ATP7B: variants seen among roughly 807,000 people sequenced by gnomAD.
ATP7B encodes the protein ATPase copper transporting beta, also known as copper-transporting ATPase 2.
Under a neutral mutation model 118.9 loss-of-function variants are expected in ATP7B, and 113 were observed. The ratio of observed to expected loss-of-function variants is 0.95; its 90% CI spans 0.82 to 1.11. The LOEUF is 1.11. ATP7B is among the 50% of genes most tolerant of loss of function. The probability of loss-of-function intolerance (pLI) is 0.00; values close to 1 mark genes in which losing one functional copy is unlikely to be tolerated. For synonymous variants in ATP7B, 777 were observed against 727.4 expected (o/e 1.07, Z -1.10); for missense variants, 1,867 against 1,871.4 (o/e 1.00, Z 0.04).
Position 51,933,302 on chromosome 13 carries a change from G to A in ATP7B, c.*1454C>T, listed in dbSNP as rs926332692. ...CCTGGGCAAAGTCCTCAGCCTCTTG[G>A]AGCCTGTTTCCTTGCCTGTAAAATG... On this transcript the variant is annotated 3_prime_UTR_variant, in exon 21 of 21. Transcript: ENST00000242839. 15 of 152,306 alleles carry A rather than the reference G, an allele frequency of 9.8e-5. No individual in the cohort carries two copies. Among genetic ancestry groups the A allele is most frequent in the African/African-American group, 3.6e-4 (15 of 41,556 alleles). 9.4% of individuals were successfully genotyped at this position (152,306 alleles called of 1,614,324 possible). A position where few individuals can be genotyped will look rare whatever the true frequency, so the allele number is the denominator to read the frequency against.
Position 51,966,139 on chromosome 13 carries a change from T to C in ATP7B, c.1708-1106A>G, listed in dbSNP as rs528941473. The stretch of plus-strand genomic sequence containing the variant: ...CCTTTTGTTTTTATAACAACAACAA[T>C]AACAGGTAGCATTTACTTTGCACTT... On this transcript the variant is annotated intron_variant, in intron 4 of 20. Transcript: ENST00000242839. 2.6e-5 allele frequency among the ~76,000 whole-genome samples: 4 copies of C among 152,338 alleles called. No individual in the cohort carries two copies. The South Asian group carries it at 6.2e-4, about 24-fold the overall frequency.
intron 1 of ATP7B, 129 bp from the exon 2 acceptor site, chr13:51,975,297 C>A: frequency 8.0e-7 from 1 of 1,243,570 alleles, no homozygotes; most frequent in Non-Finnish European, 1.2e-6. Flanking sequence ...GGTAGAAGAA[C>A]ATAACATACA....
chr13:51,933,378 T>G lies in ATP7B; in HGVS notation c.*1378A>C, dbSNP rs1380648298. The G allele has an allele frequency of 6.6e-6, 1 of 152,218 alleles. No homozygotes were observed. Among genetic ancestry groups the G allele is most frequent in the African/African-American group, 2.4e-5 (1 of 41,446 alleles). 9.4% of individuals were successfully genotyped at this position (152,218 alleles called of 1,614,324 possible). A position where few individuals can be genotyped will look rare whatever the true frequency, so the allele number is the denominator to read the frequency against. ...TTGGTTGGGAGGATTAGACGTAATC[T>G]ATCAAAAGTGCTGCTAAAACTGCCC... On this transcript the variant is annotated 3_prime_UTR_variant, in exon 21 of 21. Coordinates refer to ENST00000242839, the MANE Select transcript of ATP7B (RefSeq NM_000053.4).
At chr13:52,011,742 C>CGG (rs1432513487), upstream of ATP7B, among the ~76,000 whole-genome samples, 2 of 152,242 alleles carry the variant, frequency 1.3e-5, no homozygotes, top group African/African-American at 4.8e-5. Context: ...CGCCGCAGGG[C>CGG]GGAGGCCTGT....
intron 1 of ATP7B, among the ~76,000 whole-genome samples, chr13:52,005,788 A>T (rs1186607957): frequency 6.6e-6 from 1 of 152,196 alleles, no homozygotes; most frequent in African/African-American, 2.4e-5. Context: ...ACTTCTTGGT[A>T]CCAATTTCTA....
chr13:51,939,082 T>C lies in ATP7B; in HGVS notation c.3668A>G (p.Asn1223Ser). 6.2e-7 allele frequency: 1 copy of C among 1,614,244 alleles called. No homozygotes were observed. Among genetic ancestry groups the C allele is most frequent in the South Asian group, 1.1e-5 (1 of 91,088 alleles). Reference sequence around the variant, plus strand: ...GGCAATAGCTCTGGCTGTCTTCCGGTTGTCCCCCGTGATCAGAACCACGTC... The same window carrying C: ...GGCAATAGCTCTGGCTGTCTTCCGGCTGTCCCCCGTGATCAGAACCACGTC... ...GVDVVLITGD[N>S]RKTARAIATQ... is the part of the protein sequence containing the mutation. The change falls in exon 17 of 21, where the codon AAC (asparagine) becomes AGC (serine). Residue 1223 changes from asparagine to serine, a missense_variant. Asn to Ser is a conservative substitution (Grantham distance 46). Coordinates refer to ENST00000242839, the MANE Select transcript of ATP7B (RefSeq NM_000053.4).
At chr13:51,960,013 T>G (rs1451591125) in intron 7 of ATP7B, 135 bp downstream of exon 7, 1 of 1,265,550 alleles carries the variant, frequency 7.9e-7, no homozygotes, top group African/African-American at 1.5e-5. Flanking sequence ...AGCAACTGCC[T>G]GGGTGGGGCA....
In ATP7B at chr13:51,968,863, CT is replaced by C. The variant is rs201291586; in HGVS notation, c.1544-257del. Among the ~76,000 whole-genome samples, 44,231 of 128,144 alleles carry C rather than the reference CT, an allele frequency of 0.35. 6,712 individuals are homozygous for C. The highest frequency in any genetic ancestry group is 0.45 in the Middle Eastern group (105 of 232). The allele number at this position is 128,144 out of a possible 152,430, so 84.1% of individuals were successfully genotyped here. ...TGGCAGGCATCTTTTTTTCTTTTTT[CT>C]TTTTTTTTTTTTTTTGAGATGGAAT... is the stretch of plus-strand genomic sequence containing the variant. On this transcript the variant is annotated intron_variant, in intron 3 of 20. Transcript: ENST00000242839.
At chr13:51,949,839 T>A (rs1957884278) in intron 11 of ATP7B, 43 bp from the exon 12 acceptor site, 5 of 1,613,578 alleles carry the variant, frequency 3.1e-6, no homozygotes, top group Non-Finnish European at 4.2e-6. Flanking sequence ...TTACAACCTA[T>A]GAAGAAATAA....
chr13:51,956,714 T>C (rs1958371604), intron 9 of ATP7B, among the ~76,000 whole-genome samples: 1 of 152,082 alleles, frequency 6.6e-6, no homozygotes, highest in Non-Finnish European at 1.5e-5. Context: ...ATTTTAGGAA[T>C]ATGAAGGAGG....
intron 1 of ATP7B, among the ~76,000 whole-genome samples, chr13:51,985,776 T>G (rs1415515978): frequency 6.6e-6 from 1 of 151,996 alleles, no homozygotes. Context: ...CTCAAAACTG[T>G]AAAACTACAT....
intron 2 of ATP7B, among the ~76,000 whole-genome samples, chr13:51,971,900 G>C (rs1297719493): frequency 6.6e-6 from 1 of 152,254 alleles, no homozygotes; most frequent in Non-Finnish European, 1.5e-5. Flanking sequence ...TGAGCTGCCA[G>C]TGGGCTTGCC....
intron 13 of ATP7B, among the ~76,000 whole-genome samples, chr13:51,945,285 C>T (rs150280678): frequency 7.3e-4 from 111 of 152,342 alleles, no homozygotes; most frequent in African/African-American, 2.3e-3. Context: ...CCTCCCTCAA[C>T]GGCCTCATCT....
chr13:51,964,108 AACACACACAC>A (rs17334263), intron 5 of ATP7B, among the ~76,000 whole-genome samples: 6 of 145,652 alleles, frequency 4.1e-5, no homozygotes, highest in Admixed American at 2.1e-4. Flanking sequence ...TCTCTCTTTA[AACACACACAC>A]ACACACACAC....
intron 1 of ATP7B, among the ~76,000 whole-genome samples, chr13:51,980,933 C>A (rs950370449): frequency 3.3e-5 from 5 of 152,160 alleles, no homozygotes; most frequent in African/African-American, 1.2e-4. Flanking sequence ...TCATGGGATT[C>A]AAAATACAAA....
rs1951582993 is a variant in ATP7B, at chr13:51,966,964, G to T, written c.1707+1480C>A. On this transcript the variant is annotated intron_variant, in intron 4 of 20. Transcript: ENST00000242839. ...TTGTACCCTGGGAGATGAGTTTGAA[G>T]AAACCACAGCTGATGGCAGAAAAAC... is the stretch of plus-strand genomic sequence containing the variant. The T allele has an allele frequency of 3.1e-6, 5 of 1,613,674 alleles. No individual in the cohort carries two copies. The African/African-American group carries it at 6.7e-5, about 22-fold the overall frequency.
intron 1 of ATP7B, among the ~76,000 whole-genome samples, chr13:51,996,406 G>A (rs1247575406): frequency 3.3e-5 from 5 of 152,112 alleles, no homozygotes; most frequent in East Asian, 1.9e-4. Context: ...CCCACCACTC[G>A]GGGACCAGAA....
rs117498962 is a variant in ATP7B at position 51,954,647 on chromosome 13, G to A, written c.2447+2869C>T. 5.8e-3 allele frequency among the ~76,000 whole-genome samples: 890 copies of A among 152,296 alleles called. 9 individuals are homozygous for A. Among genetic ancestry groups the A allele is most frequent in the Non-Finnish European group, 6.3e-3 (428 of 68,028 alleles). ...ATGAGGGCAGACAGGCATTGTAGAG[G>A]ACACACTGGGAGCTGGCATGAGGGT... On this transcript the variant is annotated intron_variant, in intron 9 of 20. Transcript: ENST00000242839.
chr13:52,011,565 G>A, upstream of ATP7B: 1 of 629,952 alleles, frequency 1.6e-6, no homozygotes, highest in Non-Finnish European at 2.9e-6. Context: ...GCGCGCCGCC[G>A]TCCTCCCGAC....
Sources: gnomAD v4.1 joint callset for allele counts (sites outside exome capture counted in the v4.1 genomes callset) on GRCh38, gnomAD v4.1.1 for gene constraint, MANE v1.5 for transcripts, NCBI Gene and HGNC (gene_info 2026-07-23, HGNC 2026-07-21) for gene names.